The following TRAPPC9 variants were observed in gnomAD, a reference collection of about 807,000 sequenced individuals.
The protein encoded by TRAPPC9 is trafficking protein particle complex subunit 9, also known as IKK2 binding protein.
TRAPPC9 carries 83 observed loss-of-function variants against 124.0 expected under a neutral mutation model. That is an observed-to-expected ratio of 0.67 (90% confidence interval 0.56 to 0.80). The LOEUF (loss-of-function observed/expected upper bound fraction) is 0.80. Ranked by LOEUF, TRAPPC9 falls within the 30% of genes least tolerant of loss-of-function variation. TRAPPC9 has a pLI of 0.00. For synonymous variants in TRAPPC9, 638 were observed against 617.5 expected, an observed-to-expected ratio of 1.03 and a Z score of -0.49; for missense variants, 1,302 against 1,508.3, an observed-to-expected ratio of 0.86 and a Z score of 2.27.
chr8:139,852,378 T>TA (rs1827537121), intron 21 of TRAPPC9, among the ~76,000 whole-genome samples: 1 of 152,238 alleles, frequency 6.6e-6, no homozygotes, highest in African/African-American at 2.4e-5. Context: ...ATGTTATTTC[T>TA]GGTACCGGAT....
At chr8:139,890,910 G>A (rs1272493271) in intron 20 of TRAPPC9, among the ~76,000 whole-genome samples, 2 of 149,970 alleles carry the variant, frequency 1.3e-5, no homozygotes, top group Non-Finnish European at 3.0e-5. Context: ...GTCTGTGCCT[G>A]GGGACTGGCT....
chr8:140,296,902 A>C (rs1207464646), intron 11 of TRAPPC9, among the ~76,000 whole-genome samples: 1 of 152,240 alleles, frequency 6.6e-6, no homozygotes, highest in Non-Finnish European at 1.5e-5. Flanking sequence ...GAGCAGCCAG[A>C]GACTCTAGAA....
intron 9 of TRAPPC9, among the ~76,000 whole-genome samples, chr8:140,331,180 A>G (rs534244577): frequency 2.0e-5 from 3 of 152,244 alleles, no homozygotes. Flanking sequence ...TTTCACAGTC[A>G]AATAATTTTC....
At chr8:140,013,369 C>A (rs1011213449) in intron 18 of TRAPPC9, among the ~76,000 whole-genome samples, 2 of 152,194 alleles carry the variant, frequency 1.3e-5, no homozygotes, top group African/African-American at 4.8e-5. Context: ...ACTCCCCAGT[C>A]GTCTAAACAA....
At chr8:139,852,458 A>T (rs1032562665) in intron 21 of TRAPPC9, among the ~76,000 whole-genome samples, 2 of 152,140 alleles carry the variant, frequency 1.3e-5, no homozygotes, top group African/African-American at 2.4e-5. Flanking sequence ...CCAGATACAC[A>T]GTGCGTGCTC....
At chr8:140,259,632 A>G (rs542833301) in intron 15 of TRAPPC9, among the ~76,000 whole-genome samples, 56 of 152,346 alleles carry the variant, frequency 3.7e-4, no homozygotes, top group East Asian at 1.5e-3. Flanking sequence ...ATAAGTACTC[A>G]ACCAATGCTA....
intron 5 of TRAPPC9, among the ~76,000 whole-genome samples, chr8:140,410,620 G>A (rs1427209480): frequency 6.6e-6 from 1 of 152,162 alleles, no homozygotes; most frequent in Non-Finnish European, 1.5e-5. Context: ...GAGGCGGGCG[G>A]ACCACAAGGT....
chr8:140,272,546 A>C (rs1287102069), intron 15 of TRAPPC9, among the ~76,000 whole-genome samples: 3 of 152,038 alleles, frequency 2.0e-5, no homozygotes, highest in Non-Finnish European at 4.4e-5. Flanking sequence ...GTATTAATTC[A>C]CTTTGCATTG....
intron 19 of TRAPPC9, among the ~76,000 whole-genome samples, chr8:139,974,009 G>A (rs550578993): frequency 5.9e-5 from 9 of 152,286 alleles, no homozygotes; most frequent in Admixed American, 2.6e-4. Context: ...CTTCGAGAGC[G>A]GCCTGACGGC....
chr8:140,154,531 A>T (rs1443777525), intron 17 of TRAPPC9, among the ~76,000 whole-genome samples: 2 of 152,028 alleles, frequency 1.3e-5, no homozygotes, highest in Non-Finnish European at 2.9e-5. Flanking sequence ...TGTGTGTTCA[A>T]TTCTTCCCCC....
intron 19 of TRAPPC9, among the ~76,000 whole-genome samples, chr8:139,963,257 T>C (rs1464004254): frequency 6.6e-6 from 1 of 152,166 alleles, no homozygotes; most frequent in Non-Finnish European, 1.5e-5. Context: ...CTTGGAGCCT[T>C]GCACTAAATC....
intron 19 of TRAPPC9, among the ~76,000 whole-genome samples, chr8:139,988,416 G>A (rs1284870681): frequency 6.6e-6 from 1 of 152,100 alleles, no homozygotes; most frequent in African/African-American, 2.4e-5. Context: ...ACCCAGCCCA[G>A]ATACCACTTT....
intron 20 of TRAPPC9, among the ~76,000 whole-genome samples, chr8:139,898,984 G>A (rs1413161325): frequency 3.3e-5 from 5 of 151,796 alleles, no homozygotes; most frequent in African/African-American, 1.2e-4. Flanking sequence ...GCCAGGCACG[G>A]TGGTGGGTGC....
chr8:140,392,783 G>A (rs2068964242), intron 7 of TRAPPC9, among the ~76,000 whole-genome samples: 2 of 152,142 alleles, frequency 1.3e-5, no homozygotes, highest in Non-Finnish European at 2.9e-5. Context: ...ATCTGTACTG[G>A]AAACACAGAA....
chr8:140,276,771 G>A (rs1317647443), intron 14 of TRAPPC9, among the ~76,000 whole-genome samples: 1 of 152,020 alleles, frequency 6.6e-6, no homozygotes, highest in Non-Finnish European at 1.5e-5. Context: ...GAGAAGTTTG[G>A]CCACAGGACA....
At chr8:140,213,201 G>C (rs1044106643) in intron 17 of TRAPPC9, among the ~76,000 whole-genome samples, 1 of 151,700 alleles carries the variant, frequency 6.6e-6, no homozygotes, top group African/African-American at 2.4e-5. Flanking sequence ...ATATGGGAAG[G>C]TTTTAACAAA....
chr8:139,987,501 C>T lies in TRAPPC9; in HGVS notation c.2810+1225G>A, dbSNP rs917678709. 9.9e-5 allele frequency among the ~76,000 whole-genome samples: 15 copies of T among 151,606 alleles called. No homozygotes were observed. In the South Asian group the frequency reaches 1.5e-3, roughly 15 times the overall value. ...CCACTGATTGATAATGTTAATGTTGCTATTTTAAAAAACATTTTATTTCCT... is the reference window on the plus strand; with the variant it reads ...CCACTGATTGATAATGTTAATGTTGTTATTTTAAAAAACATTTTATTTCCT... On this transcript the variant is annotated intron_variant, in intron 19 of 22. Coordinates refer to ENST00000438773, the MANE Select transcript of TRAPPC9 (RefSeq NM_001160372.4).
chr8:140,279,350 G>A (rs1181800663), intron 14 of TRAPPC9, among the ~76,000 whole-genome samples: 1 of 152,184 alleles, frequency 6.6e-6, no homozygotes, highest in African/African-American at 2.4e-5. Flanking sequence ...CATGGTAGGT[G>A]TCGATAAACG....
intron 21 of TRAPPC9, among the ~76,000 whole-genome samples, chr8:139,770,317 G>A (rs1003597645): frequency 1.3e-5 from 2 of 152,370 alleles, no homozygotes; most frequent in East Asian, 1.9e-4. Context: ...CCTGGCTCCC[G>A]GAAGCCGGTC....
Sources: allele counts gnomAD v4.1 joint callset (sites outside exome capture counted in the v4.1 genomes callset), GRCh38; gene constraint gnomAD v4.1.1; transcripts MANE v1.5; gene names NCBI Gene and HGNC (gene_info 2026-07-23, HGNC 2026-07-21).